The following DLC1 variants were observed in gnomAD, a reference collection of about 807,000 sequenced individuals.
DLC1 encodes the protein DLC1 Rho GTPase activating protein, also known as rho GTPase-activating protein 7.
In DLC1, 54 loss-of-function variants were observed where a neutral mutation model predicts 140.3. The ratio of observed to expected loss-of-function variants is 0.38; its 90% CI spans 0.31 to 0.48. The LOEUF (loss-of-function observed/expected upper bound fraction) is 0.48. Among genes scored for constraint, DLC1 ranks in the 20% least tolerant of loss-of-function variants. The pLI is 0.96. For synonymous variants in DLC1, 986 were observed against 728.1 expected, an observed-to-expected ratio of 1.35 and a Z score of -5.70; for missense variants, 2,536 against 1,907.0, an observed-to-expected ratio of 1.33 and a Z score of -6.14.
At chr8:13,238,223 T>C (rs973038072) in intron 5 of DLC1, among the ~76,000 whole-genome samples, 8 of 152,166 alleles carry the variant, frequency 5.3e-5, no homozygotes, top group African/African-American at 1.9e-4. Flanking sequence ...TATAAATCTC[T>C]CCCTCCCTAG....
At chr8:13,587,358 G>C (rs548198294) in intron 1 of DLC1, among the ~76,000 whole-genome samples, 1 of 151,816 alleles carries the variant, frequency 6.6e-6, no homozygotes, top group East Asian at 1.9e-4. Context: ...TCCTCCATCT[G>C]GAACTTTGTT....
chr8:13,537,969 T>C (rs1315549364), intron 1 of DLC1, among the ~76,000 whole-genome samples: 1 of 152,152 alleles, frequency 6.6e-6, no homozygotes, highest in Non-Finnish European at 1.5e-5. Context: ...CAGCTAACTC[T>C]TGAGAGGTTA....
At chr8:13,406,134 G>T (rs1479663158) in intron 2 of DLC1, among the ~76,000 whole-genome samples, 1 of 142,646 alleles carries the variant, frequency 7.0e-6, no homozygotes, top group African/African-American at 2.6e-5. Flanking sequence ...AGCCTCCCGA[G>T]TAGCTGGGAT....
chr8:13,600,886 A>G (rs1479493181), intron 1 of DLC1, among the ~76,000 whole-genome samples: 4 of 151,870 alleles, frequency 2.6e-5, no homozygotes, highest in African/African-American at 9.7e-5. Context: ...GTCATTTACT[A>G]CTTCAAATGG....
intron 2 of DLC1, among the ~76,000 whole-genome samples, chr8:13,407,834 C>G (rs1025345671): frequency 1.3e-5 from 2 of 152,190 alleles, no homozygotes; most frequent in Non-Finnish European, 2.9e-5. Context: ...AAAGACTTGG[C>G]TCAGTTTCAT....
intron 5 of DLC1, among the ~76,000 whole-genome samples, chr8:13,149,876 T>C (rs373522195): frequency 1.3e-5 from 2 of 152,260 alleles, no homozygotes; most frequent in East Asian, 1.9e-4. Context: ...GGTTGGGGAA[T>C]ACTTGCCTAA....
chr8:13,118,730 C>G (rs145136035), intron 5 of DLC1, among the ~76,000 whole-genome samples: 1,571 of 152,144 alleles, frequency 0.01, 31 homozygotes, highest in African/African-American at 0.036. Context: ...TGAAATGAAC[C>G]TATATCTACA....
chr8:13,334,471 C>A (rs985136408), intron 4 of DLC1, among the ~76,000 whole-genome samples: 2 of 152,088 alleles, frequency 1.3e-5, no homozygotes, highest in African/African-American at 4.8e-5. Flanking sequence ...GCAGAAAGAT[C>A]ACTGTGCACA....
intron 4 of DLC1, among the ~76,000 whole-genome samples, chr8:13,383,458 A>G (rs1487149054): frequency 6.6e-6 from 1 of 152,194 alleles, no homozygotes; most frequent in Non-Finnish European, 1.5e-5. Flanking sequence ...GATCTGATTT[A>G]TTTAACAAAA....
chr8:13,316,825 T>C lies in DLC1; in HGVS notation c.1315-11523A>G, dbSNP rs1018424609. On this transcript the variant is annotated intron_variant, in intron 4 of 17. Coordinates refer to ENST00000276297, the MANE Select transcript of DLC1 (RefSeq NM_182643.3). ...CCAACTGACTGCAGTATCCCTTGTG[T>C]TTCTCCTATCATACAACTTTGCAAA... is the stretch of plus-strand genomic sequence containing the variant. 1.3e-5 allele frequency among the ~76,000 whole-genome samples: 2 copies of C among 152,188 alleles called. 1 individual carries two copies. The highest frequency in any genetic ancestry group is 2.9e-5 in the Non-Finnish European group (2 of 68,026).
intron 5 of DLC1, among the ~76,000 whole-genome samples, chr8:13,237,272 G>GGT (rs201981513): frequency 0.011 from 1,348 of 127,104 alleles, 28 homozygotes; most frequent in African/African-American, 0.039. Context: ...TGAGTATATA[G>GGT]GTGTATATAT....
intron 5 of DLC1, among the ~76,000 whole-genome samples, chr8:13,238,405 G>A (rs1472582158): frequency 6.6e-6 from 1 of 152,000 alleles, no homozygotes; most frequent in East Asian, 1.9e-4. Flanking sequence ...CCCAGCTACA[G>A]GGGGAGGTGA....
intron 5 of DLC1, among the ~76,000 whole-genome samples, chr8:13,186,801 G>A (rs117176892): frequency 0.02 from 2,998 of 152,252 alleles, 46 homozygotes; most frequent in Non-Finnish European, 0.032. Flanking sequence ...TCTACCTTTG[G>A]ACTTTGATGT....
At chr8:13,251,453 G>A (rs1830000380) in intron 5 of DLC1, among the ~76,000 whole-genome samples, 1 of 151,874 alleles carries the variant, frequency 6.6e-6, no homozygotes, top group Admixed American at 6.6e-5. Context: ...ATCATTGTAT[G>A]GGCCATATAT....
intron 5 of DLC1, among the ~76,000 whole-genome samples, chr8:13,150,024 T>C (rs955476128): frequency 6.6e-5 from 10 of 152,370 alleles, no homozygotes; most frequent in African/African-American, 2.4e-4. Context: ...ATCAGCCATT[T>C]GTCTCTGAAG....
chr8:13,311,362 G>T (rs944243055), intron 4 of DLC1, among the ~76,000 whole-genome samples: 1 of 152,128 alleles, frequency 6.6e-6, no homozygotes, highest in Non-Finnish European at 1.5e-5. Context: ...TAGTGTTCAC[G>T]ATTCCAACTT....
intron 4 of DLC1, among the ~76,000 whole-genome samples, chr8:13,319,242 A>G (rs566031966): frequency 2.0e-5 from 3 of 152,344 alleles, no homozygotes; most frequent in South Asian, 4.1e-4. Context: ...CATGTAAAAG[A>G]CACCTGGTCT....
At chr8:13,502,195 T>C (rs972104446) in intron 1 of DLC1, among the ~76,000 whole-genome samples, 1 of 152,206 alleles carries the variant, frequency 6.6e-6, no homozygotes, top group Non-Finnish European at 1.5e-5. Context: ...GGTAAGTATT[T>C]CTGTCAAATC....
In DLC1 at chr8:13,100,594, C is replaced by T. The variant is rs749614776; in HGVS notation, c.1743G>A (p.Thr581=). The change falls in exon 9 of 18, where the codon ACG becomes ACA. Residue 581 remains threonine, a synonymous_variant. Coordinates refer to ENST00000276297, the MANE Select transcript of DLC1 (RefSeq NM_182643.3). ...CCTGGCGCTCGCTGAGGTCCATCAG[C>T]GTGCCTCCGGGGCTGGGGCCGTCCT... ...HPKDGPSPGG[T]LMDLSERQEV... is the part of the protein sequence containing the mutation. 4.3e-6 allele frequency: 7 copies of T among 1,613,652 alleles called. No individual in the cohort carries two copies. Among genetic ancestry groups the T allele is most frequent in the Non-Finnish European group, 5.1e-6 (6 of 1,179,876 alleles).
Sources: gnomAD v4.1 joint callset for allele counts (sites outside exome capture counted in the v4.1 genomes callset) on GRCh38, gnomAD v4.1.1 for gene constraint, MANE v1.5 for transcripts, NCBI Gene and HGNC (gene_info 2026-07-23, HGNC 2026-07-21) for gene names.